The following SLC44A5 variants were observed in gnomAD, a reference collection of about 807,000 sequenced individuals.
SLC44A5 encodes choline transporter-like protein 5.
Under a neutral mutation model 101.8 loss-of-function variants are expected in SLC44A5, and 57 were observed. That is an observed-to-expected ratio of 0.56 (90% CI 0.45 to 0.70). The LOEUF is 0.70. Among genes scored for constraint, SLC44A5 ranks in the 30% least tolerant of loss-of-function variants. The pLI is 0.00. For missense variants in SLC44A5, 737 were observed against 853.1 expected, an observed-to-expected ratio of 0.86 and a Z score of 1.70; for synonymous variants, 281 against 290.9, an observed-to-expected ratio of 0.97 and a Z score of 0.35.
chr1:75,290,696 GC>G, intron 5 of SLC44A5, among the ~76,000 whole-genome samples: 1 of 152,246 alleles, frequency 6.6e-6, no homozygotes, highest in Non-Finnish European at 1.5e-5. Context: ...ACCCATAAAT[GC>G]CAGATTCCCA....
chr1:75,560,520 C>A (rs1672462230), intron 1 of SLC44A5, among the ~76,000 whole-genome samples: 1 of 152,094 alleles, frequency 6.6e-6, no homozygotes, highest in Non-Finnish European at 1.5e-5. Context: ...GTGATAGTTG[C>A]ACAACTCTGT....
At chr1:75,352,348 C>T (rs2137409) in intron 3 of SLC44A5, among the ~76,000 whole-genome samples, 1 of 151,984 alleles carries the variant, frequency 6.6e-6, no homozygotes, top group Non-Finnish European at 1.5e-5. Flanking sequence ...TCCTGACATT[C>T]TCCCCCACCG....
chr1:75,670,757 C>G, the SLC44A5 span, among the ~76,000 whole-genome samples: 15 of 152,240 alleles, frequency 9.9e-5, no homozygotes, highest in Non-Finnish European at 1.8e-4. Flanking sequence ...AACCACACCC[C>G]CTCTTCAAAG....
intron 1 of SLC44A5, among the ~76,000 whole-genome samples, chr1:75,559,786 T>C (rs1319159333): frequency 2.0e-5 from 3 of 152,126 alleles, no homozygotes; most frequent in Non-Finnish European, 2.9e-5. Context: ...GCAAGTCATA[T>C]ATCTAAAAAG....
chr1:75,601,392 G>T (rs1674973725), intron 1 of SLC44A5, among the ~76,000 whole-genome samples: 1 of 151,304 alleles, frequency 6.6e-6, no homozygotes, highest in Non-Finnish European at 1.5e-5. Context: ...GGGGGCTGGG[G>T]GGCTAGAGGA....
intron 2 of SLC44A5, among the ~76,000 whole-genome samples, chr1:75,529,984 A>T (rs1371310235): frequency 6.6e-6 from 1 of 152,142 alleles, no homozygotes; most frequent in Non-Finnish European, 1.5e-5. Context: ...AAATTTAGTG[A>T]CTCAGGAGAA....
intron 2 of SLC44A5, among the ~76,000 whole-genome samples, chr1:75,457,636 T>C (rs1250458328): frequency 1.3e-5 from 2 of 152,096 alleles, no homozygotes; most frequent in South Asian, 2.1e-4. Flanking sequence ...GGTGGGTGGA[T>C]CACTTGAGGT....
At chr1:75,716,013 T>C in the SLC44A5 span, among the ~76,000 whole-genome samples, 2 of 152,114 alleles carry the variant, frequency 1.3e-5, no homozygotes, top group South Asian at 4.1e-4. Flanking sequence ...CATGAACAGA[T>C]ACTTTTGAAA....
chr1:75,375,080 G>A (rs1041979250), intron 3 of SLC44A5, among the ~76,000 whole-genome samples: 1 of 152,166 alleles, frequency 6.6e-6, no homozygotes, highest in Non-Finnish European at 1.5e-5. Flanking sequence ...CGAGATTCAA[G>A]AGAAAATTAA....
At chr1:75,218,419 A>G in intron 17 of SLC44A5, 71 bp downstream of exon 17, 1 of 1,558,158 alleles carries the variant, frequency 6.4e-7, no homozygotes, top group Non-Finnish European at 8.8e-7. Flanking sequence ...TGAATTAATG[A>G]GCCAAGACTG....
At position 75,568,598 on chromosome 1, in the gene SLC44A5, CTCTA is replaced by C. The variant is rs1190905378; in HGVS notation, c.-69-27086_-69-27083del. Among the ~76,000 whole-genome samples, 19 of 152,172 alleles carry C rather than the reference CTCTA, an allele frequency of 1.2e-4. No homozygotes were observed. In the East Asian group the frequency reaches 3.3e-3, roughly 26 times the overall value. ...TTCCTTGCTTTTCTATTTTCCATAC[CTCTA>C]TCTGTTTTTTCTGCCTTTGGCAATT... On this transcript the variant is annotated intron_variant, in intron 1 of 23. Transcript: ENST00000370859.
intron 2 of SLC44A5, among the ~76,000 whole-genome samples, chr1:75,421,643 C>T (rs975710754): frequency 2.0e-5 from 3 of 152,200 alleles, no homozygotes; most frequent in African/African-American, 2.4e-5. Context: ...ATTAAGATCA[C>T]CATTTTGCAT....
intron 5 of SLC44A5, among the ~76,000 whole-genome samples, chr1:75,295,522 A>G (rs1653896837): frequency 6.6e-6 from 1 of 152,234 alleles, no homozygotes; most frequent in Non-Finnish European, 1.5e-5. Context: ...AAGGGAACTT[A>G]CTATGGAGGA....
At chr1:75,267,935 C>G (rs1167004967) in intron 6 of SLC44A5, among the ~76,000 whole-genome samples, 1 of 152,120 alleles carries the variant, frequency 6.6e-6, no homozygotes, top group African/African-American at 2.4e-5. Context: ...ACCATTGAAA[C>G]AGCTCAAGAA....
intron 2 of SLC44A5, among the ~76,000 whole-genome samples, chr1:75,413,473 G>T (rs1557759907): frequency 6.6e-6 from 1 of 152,006 alleles, no homozygotes; most frequent in African/African-American, 2.4e-5. Flanking sequence ...ATTAATTTGT[G>T]AATTTGTAGT....
chr1:75,720,272 G>A, the SLC44A5 span: 2 of 152,162 alleles, frequency 1.3e-5, no homozygotes, highest in East Asian at 1.9e-4. Context: ...TTTGAGAAAC[G>A]TTAATGTGTC....
intron 2 of SLC44A5, among the ~76,000 whole-genome samples, chr1:75,430,615 G>T (rs543591200): frequency 5.4e-4 from 82 of 152,244 alleles, no homozygotes; most frequent in African/African-American, 1.9e-3. Flanking sequence ...TTATCATATA[G>T]GTCAGGTCCT....
At chr1:75,256,954 T>C (rs970857908) in intron 6 of SLC44A5, among the ~76,000 whole-genome samples, 6 of 152,160 alleles carry the variant, frequency 3.9e-5, no homozygotes, top group African/African-American at 1.2e-4. Context: ...GGATATTATC[T>C]AAACTTAATA....
chr1:75,607,800 T>C lies in SLC44A5; in HGVS notation c.-70+3240A>G, dbSNP rs190236054. ...GTTCCTCATTCACCTTCTGCCATGA[T>C]GGTGAGGCCTCACCAGCCATGTGGA... On this transcript the variant is annotated intron_variant, in intron 1 of 23. Transcript: ENST00000370859. 1.2e-3 allele frequency among the ~76,000 whole-genome samples: 190 copies of C among 152,196 alleles called. 1 individual carries two copies. The highest frequency in any genetic ancestry group is 4.3e-3 in the African/African-American group (179 of 41,570).
Sources: gnomAD v4.1 joint callset for allele counts (sites outside exome capture counted in the v4.1 genomes callset) on GRCh38, gnomAD v4.1.1 for gene constraint, MANE v1.5 for transcripts, NCBI Gene and HGNC (gene_info 2026-07-23, HGNC 2026-07-21) for gene names.